CRMP1: variants seen among roughly 807,000 people sequenced by gnomAD.
CRMP1 encodes the protein collapsin response mediator protein 1, also known as dihydropyrimidinase-related protein 1.
CRMP1 carries 19 observed loss-of-function variants against 68.3 expected under a neutral mutation model. The ratio of observed to expected loss-of-function variants is 0.28; its 90% CI spans 0.19 to 0.41. The LOEUF is 0.41. Among genes scored for constraint, CRMP1 ranks in the 10% least tolerant of loss-of-function variants. CRMP1 has a pLI of 1.00. For synonymous variants in CRMP1, 439 were observed against 399.6 expected, an observed-to-expected ratio of 1.10 and a Z score of -1.18; for missense variants, 791 against 967.4, an observed-to-expected ratio of 0.82 and a Z score of 2.42.
intron 10 of CRMP1, 50 bp downstream of exon 10, chr4:5,836,714 AG>A: frequency 6.2e-7 from 1 of 1,613,506 alleles, no homozygotes; most frequent in Non-Finnish European, 8.5e-7. Context: ...CGGCTTTCAC[AG>A]GGCAGGTAGA....
At chr4:5,887,901 C>T in intron 1 of CRMP1, 1 of 684,802 alleles carries the variant, frequency 1.5e-6, no homozygotes, top group Non-Finnish European at 1.9e-6. Flanking sequence ...GTTCGGACCC[C>T]TGCCCCTCCC....
At chr4:5,851,344 G>GACT in intron 5 of CRMP1, 64 bp downstream of exon 5, 1 of 1,452,990 alleles carries the variant, frequency 6.9e-7, no homozygotes, top group South Asian at 1.1e-5. Flanking sequence ...GTGCTGCCTG[G>GACT]ACTGGCAAAG....
At position 5,825,784 on chromosome 4, in the gene CRMP1, A is replaced by G; in HGVS notation, c.1804-125T>C. 3.5e-6 allele frequency: 3 copies of G among 866,214 alleles called. No individual in the cohort carries two copies. The highest frequency in any genetic ancestry group is 5.4e-6 in the Non-Finnish European group (3 of 557,088). The allele number at this position is 866,214 out of a possible 1,614,324, so 53.7% of individuals were successfully genotyped here. On this transcript the variant is annotated intron_variant, in intron 12 of 13. Transcript: ENST00000324989. The surrounding 1 kb of genome is among the most constrained non-coding windows in gnomAD (Gnocchi z 4.4). ...TCACTTCAAATGTGCATGCACACAC[A>G]CACACAACACGCACACACGACAGGT...
chr4:5,888,748 G>C lies in CRMP1; in HGVS notation c.381+3841C>G, dbSNP rs1715792416. Among the ~76,000 whole-genome samples, 2 of 151,256 alleles carry C rather than the reference G, an allele frequency of 1.3e-5. No homozygotes were observed. Among genetic ancestry groups the C allele is most frequent in the African/African-American group, 4.9e-5 (2 of 41,136 alleles). On this transcript the variant is annotated intron_variant, in intron 1 of 13. Transcript: ENST00000324989. This position sits in a 1 kb window ranked among gnomAD's most constrained non-coding sequence, Gnocchi z 6.4. ...TTTCAGGGCTCCTTTAAAAGAAAAA[G>C]ACGGCGCGGTCAGGGCCCGCGGGCG...
intron 1 of CRMP1, among the ~76,000 whole-genome samples, chr4:5,874,157 C>T (rs1356326032): frequency 6.6e-6 from 1 of 152,074 alleles, no homozygotes; most frequent in Non-Finnish European, 1.5e-5. Flanking sequence ...TAGAAAATAT[C>T]CAAAACAGGG....
rs370684622 is a variant in CRMP1, at chr4:5,866,718, G to A, written c.420C>T (p.Asn140=). ...CGTCAGCATAAAGGGATTGGTCATC[G>A]TTGATGATCCGTCCACCTTTGATGA... ...RLLIKGGRII[N]DDQSLYADVY... Residue 140 remains asparagine (N), a synonymous_variant, in exon 2 of 14, where the codon AAC becomes AAT. Coordinates refer to ENST00000324989, the MANE Select transcript of CRMP1 (RefSeq NM_001014809.3). The surrounding 1 kb of genome is among the most constrained non-coding windows in gnomAD (Gnocchi z 5.9). The A allele has an allele frequency of 3.0e-5, 48 of 1,612,936 alleles. No homozygotes were observed. Among genetic ancestry groups the A allele is most frequent in the African/African-American group, 1.2e-4 (9 of 74,914 alleles).
chr4:5,892,942 T>G lies in CRMP1; in HGVS notation c.28A>C (p.Thr10Pro). ...AGGTACACGGGCAGGTCGTCCTCGG[T>G]GTTCCACGCGCGCCGCCGGTCCGCC... The part of the protein sequence containing the change: MADRRRAWN[T>P]EDDLPVYLAR... The change falls in exon 1 of 14, where the codon ACC becomes CCC. Residue 10 changes from threonine (T) to proline (P), a missense_variant. Thr to Pro is a conservative substitution (Grantham distance 38). Coordinates refer to ENST00000324989, the MANE Select transcript of CRMP1 (RefSeq NM_001014809.3). This position sits in a 1 kb window ranked among gnomAD's most constrained non-coding sequence, Gnocchi z 8.6. The G allele has an allele frequency of 8.0e-7, 1 of 1,256,104 alleles. No individual in the cohort carries two copies. 77.8% of individuals were successfully genotyped at this position (1,256,104 alleles called of 1,614,324 possible). A position where few individuals can be genotyped will look rare whatever the true frequency, so the allele number is the denominator to read the frequency against.
Position 5,825,302 on chromosome 4 carries a change from C to T in CRMP1, c.1969+192G>A. On this transcript the variant is annotated intron_variant, in intron 13 of 13. Transcript: ENST00000324989. The surrounding 1 kb of genome is among the most constrained non-coding windows in gnomAD (Gnocchi z 4.4). The stretch of plus-strand genomic sequence containing the variant: ...CACCATGTTGCCCCCCTAACATGGA[C>T]CCCCCTCTGCTTGGTGACCATGCCA... 4.1e-6 allele frequency: 4 copies of T among 985,152 alleles called. No homozygotes were observed. Among genetic ancestry groups the T allele is most frequent in the Non-Finnish European group, 4.8e-6 (4 of 829,826 alleles). 61.0% of individuals were successfully genotyped at this position (985,152 alleles called of 1,614,324 possible). A position where few individuals can be genotyped will look rare whatever the true frequency, so the allele number is the denominator to read the frequency against.
Position 5,858,913 on chromosome 4 carries a change from T to G in CRMP1, c.655+2113A>C, listed in dbSNP as rs1040427445. 7.9e-5 allele frequency among the ~76,000 whole-genome samples: 12 copies of G among 152,258 alleles called. 1 individual carries two copies. Among genetic ancestry groups the G allele is most frequent in the African/African-American group, 2.6e-4 (11 of 41,554 alleles). On this transcript the variant is annotated intron_variant, in intron 3 of 13. Transcript: ENST00000324989. This position sits in a 1 kb window ranked among gnomAD's most constrained non-coding sequence, Gnocchi z 5.5. ...CAGGGCCTTTGCACATGCTATTCCCTCCTCCTGGGGCTCTGCTTTTCTCTG... is the reference window on the plus strand; with the variant it reads ...CAGGGCCTTTGCACATGCTATTCCCGCCTCCTGGGGCTCTGCTTTTCTCTG...
rs1397699431 is a variant in CRMP1 at position 5,858,340 on chromosome 4, T to A, written c.656-2033A>T. 7.0e-6 allele frequency among the ~76,000 whole-genome samples: 1 copy of A among 143,196 alleles called. No homozygotes were observed. The highest frequency in any genetic ancestry group is 1.5e-5 in the Non-Finnish European group (1 of 64,624). 93.9% of individuals were successfully genotyped at this position (143,196 alleles called of 152,430 possible). ...CTCTGAACCCGGTTGTGTTCTTGGC[T>A]TCTCCACCGAGATGACTCAAAAGCT... On this transcript the variant is annotated intron_variant, in intron 3 of 13. Transcript: ENST00000324989. The surrounding 1 kb of genome is among the most constrained non-coding windows in gnomAD (Gnocchi z 5.5).
rs200021135 is a variant in CRMP1, at chr4:5,839,563, C to T, written c.1269G>A (p.Pro423=). ...AAFVTSPPLS[P]DPTTPDYLTS... ...TCAAGTAGTCGGGCGTGGTAGGGTCCGGGCTCAGGGGAGGGGAAGTCACGA... is the reference window on the plus strand; with the variant it reads ...TCAAGTAGTCGGGCGTGGTAGGGTCTGGGCTCAGGGGAGGGGAAGTCACGA... Residue 423 remains proline, a synonymous_variant, in exon 9 of 14, where the codon CCG becomes CCA. Coordinates refer to ENST00000324989, the MANE Select transcript of CRMP1 (RefSeq NM_001014809.3). The T allele has an allele frequency of 1.1e-4, 181 of 1,611,870 alleles. 1 individual carries two copies. Among genetic ancestry groups the T allele is most frequent in the African/African-American group, 6.7e-5 (5 of 74,986 alleles).
rs970045410 is a variant in CRMP1, at chr4:5,842,840, T to G, written c.1032+253A>C. Among the ~76,000 whole-genome samples the G allele has an allele frequency of 3.3e-5, 5 of 152,120 alleles. No individual in the cohort carries two copies. Among genetic ancestry groups the G allele is most frequent in the Non-Finnish European group, 7.4e-5 (5 of 68,016 alleles). ...GCCATGTCCTCCATGAGAATCCGTATCCACTTGGGACACTGAAGCACCCAC... is the reference window on the plus strand; with the variant it reads ...GCCATGTCCTCCATGAGAATCCGTAGCCACTTGGGACACTGAAGCACCCAC... On this transcript the variant is annotated intron_variant, in intron 7 of 13. Coordinates refer to ENST00000324989, the MANE Select transcript of CRMP1 (RefSeq NM_001014809.3). The surrounding 1 kb of genome is among the most constrained non-coding windows in gnomAD (Gnocchi z 4.5).
At position 5,860,419 on chromosome 4, in the gene CRMP1, G is replaced by A. The variant is rs951743748; in HGVS notation, c.655+607C>T. 6.6e-6 allele frequency among the ~76,000 whole-genome samples: 1 copy of A among 152,184 alleles called. No homozygotes were observed. Among genetic ancestry groups the A allele is most frequent in the African/African-American group, 2.4e-5 (1 of 41,452 alleles). On this transcript the variant is annotated intron_variant, in intron 3 of 13. Transcript: ENST00000324989. The surrounding 1 kb of genome is among the most constrained non-coding windows in gnomAD (Gnocchi z 4.2). ...CTCCCACTCCTGCACACCCTCAAAT[G>A]AGAAAAACAAGTGTTGCTTAAGATT...
In CRMP1 at chr4:5,825,688, A is replaced by G. The variant is rs1431445882; in HGVS notation, c.1804-29T>C. 6 of 1,609,172 alleles carry G rather than the reference A, an allele frequency of 3.7e-6. No individual in the cohort carries two copies. The highest frequency in any genetic ancestry group is 1.7e-6 in the Non-Finnish European group (2 of 1,177,326). Reference sequence around the variant, plus strand: ...AACAGAGGAAGGGAGAGTGTGATTGATCGACACTGTGCATGTGTGCCCTTC... The same window carrying G: ...AACAGAGGAAGGGAGAGTGTGATTGGTCGACACTGTGCATGTGTGCCCTTC... On this transcript the variant is annotated intron_variant, in intron 12 of 13. Transcript: ENST00000324989. The surrounding 1 kb of genome is among the most constrained non-coding windows in gnomAD (Gnocchi z 4.4).
intron 1 of CRMP1, among the ~76,000 whole-genome samples, chr4:5,882,128 C>T (rs1715260366): frequency 6.6e-6 from 1 of 152,218 alleles, no homozygotes; most frequent in African/African-American, 2.4e-5. Flanking sequence ...ATCCTCACAT[C>T]TCCTCTAGAA....
intron 3 of CRMP1, among the ~76,000 whole-genome samples, chr4:5,857,456 A>T (rs969980540): frequency 1.3e-5 from 2 of 151,770 alleles, no homozygotes; most frequent in African/African-American, 4.8e-5. Context: ...TAGCAATGAC[A>T]TCATCACCAT....
rs1171594994 is a variant in CRMP1 at position 5,838,306 on chromosome 4, G to A, written c.1310+1216C>T. Among the ~76,000 whole-genome samples the A allele has an allele frequency of 1.3e-5, 2 of 152,288 alleles. No homozygotes were observed. The highest frequency in any genetic ancestry group is 1.9e-4 in the East Asian group (1 of 5,176). Reference sequence around the variant, plus strand: ...CCCAGGGAGGGAGGTTGGTCAGGGCGTGTGCACCGGATTGAGTTCTGCCTT... The same window carrying A: ...CCCAGGGAGGGAGGTTGGTCAGGGCATGTGCACCGGATTGAGTTCTGCCTT... On this transcript the variant is annotated intron_variant, in intron 9 of 13. Coordinates refer to ENST00000324989, the MANE Select transcript of CRMP1 (RefSeq NM_001014809.3). The surrounding 1 kb of genome is among the most constrained non-coding windows in gnomAD (Gnocchi z 4.9).
intron 8 of CRMP1, 66 bp from the exon 9 acceptor site, chr4:5,839,744 C>T: frequency 2.0e-6 from 3 of 1,504,980 alleles, no homozygotes; most frequent in South Asian, 1.3e-5. Context: ...GTCAAAGGCA[C>T]AAAATTGGAA....
In CRMP1 at chr4:5,891,210, A is replaced by ACACACACACC. The variant is rs1288610216; in HGVS notation, c.381+1378_381+1379insGGTGTGTGTG. On this transcript the variant is annotated intron_variant, in intron 1 of 13. Coordinates refer to ENST00000324989, the MANE Select transcript of CRMP1 (RefSeq NM_001014809.3). This position sits in a 1 kb window ranked among gnomAD's most constrained non-coding sequence, Gnocchi z 5.2. ...CACACACACACACACACACACACAC[A>ACACACACACC]CACCCTTGCTGTTGGACCTCTCCCT... 6.6e-6 allele frequency among the ~76,000 whole-genome samples: 1 copy of ACACACACACC among 150,568 alleles called. No individual in the cohort carries two copies. Among genetic ancestry groups the ACACACACACC allele is most frequent in the Admixed American group, 6.6e-5 (1 of 15,132 alleles).
Sources: gnomAD v4.1 joint callset for allele counts (sites outside exome capture counted in the v4.1 genomes callset) on GRCh38, gnomAD v4.1.1 for gene constraint, Gnocchi (gnomAD v3.1) non-coding constraint, MANE v1.5 for transcripts, NCBI Gene and HGNC (gene_info 2026-07-23, HGNC 2026-07-21) for gene names.